The following KLHL32 variants were observed in gnomAD, a reference collection of about 807,000 sequenced individuals.
KLHL32 encodes kelch like family member 32.
Under a neutral mutation model 64.8 loss-of-function variants are expected in KLHL32, and 35 were observed. That is an observed-to-expected ratio of 0.54 (90% CI 0.41 to 0.72). KLHL32 has a LOEUF of 0.72. KLHL32 is among the 30% of genes least tolerant of loss of function. KLHL32 has a pLI of 0.00. For synonymous variants in KLHL32, 259 were observed against 281.0 expected, an observed-to-expected ratio of 0.92 and a Z score of 0.78; for missense variants, 589 against 768.5, an observed-to-expected ratio of 0.77 and a Z score of 2.76.
chr6:97,056,697 T>G (rs2128142720), intron 4 of KLHL32, among the ~76,000 whole-genome samples: 1 of 152,270 alleles, frequency 6.6e-6, no homozygotes, highest in South Asian at 2.1e-4. Flanking sequence ...AGCAAACTTT[T>G]TTTGTGAGGA....
intron 3 of KLHL32, among the ~76,000 whole-genome samples, chr6:96,981,120 C>T (rs904959768): frequency 2.6e-5 from 4 of 152,094 alleles, no homozygotes; most frequent in African/African-American, 9.7e-5. Context: ...AATTACCTCC[C>T]ACCAGGTCCC....
In KLHL32 at chr6:96,956,863, A is replaced by G. The variant is rs569197770; in HGVS notation, c.-65-10133A>G. On this transcript the variant is annotated intron_variant, in intron 1 of 10. Coordinates refer to ENST00000369261, the MANE Select transcript of KLHL32 (RefSeq NM_052904.4). The stretch of plus-strand genomic sequence containing the variant: ...AGTTCTAATGTTTCTTGCAGATGTA[A>G]GAAGCACATCAGGTTTTTCAAGGCA... Among the ~76,000 whole-genome samples the G allele has an allele frequency of 3.2e-4, 48 of 152,380 alleles. No individual in the cohort carries two copies. The South Asian group carries it at 3.9e-3, about 12-fold the overall frequency.
chr6:97,067,624 G>A (rs2128158030), intron 5 of KLHL32, among the ~76,000 whole-genome samples: 1 of 152,258 alleles, frequency 6.6e-6, no homozygotes, highest in Non-Finnish European at 1.5e-5. Context: ...GTTTTGCAGG[G>A]ACTCCCATTT....
chr6:97,045,209 T>C (rs1182284910), intron 4 of KLHL32, among the ~76,000 whole-genome samples: 3 of 152,208 alleles, frequency 2.0e-5, no homozygotes, highest in Admixed American at 1.3e-4. Flanking sequence ...AATTCAAGAT[T>C]AGCCCAGCCA....
intron 3 of KLHL32, among the ~76,000 whole-genome samples, chr6:97,034,118 CT>C (rs151235500): frequency 0.15 from 23,540 of 152,030 alleles, 2,263 homozygotes; most frequent in African/African-American, 0.28. Flanking sequence ...TGTCAAGGAG[CT>C]TTTCCCCTAC....
intron 3 of KLHL32, among the ~76,000 whole-genome samples, chr6:96,987,171 C>A (rs1473046714): frequency 1.3e-5 from 2 of 152,192 alleles, no homozygotes; most frequent in African/African-American, 4.8e-5. Flanking sequence ...CTCCTGGATT[C>A]ATTGATTTTT....
chr6:96,998,064 A>G (rs774793139), intron 3 of KLHL32, among the ~76,000 whole-genome samples: 43 of 152,212 alleles, frequency 2.8e-4, no homozygotes, highest in Admixed American at 6.5e-4. Context: ...TCCAGCCCCC[A>G]AGACTGTAGC....
At position 96,976,098 on chromosome 6, in the gene KLHL32, G is replaced by GCGACAT; in HGVS notation, c.127_132dup (p.Asp43_Ile44dup). ...CAGCAGAGGAGTGATGGCATCCTCT[G>GCGACAT]CGACATCACCCTGATTGCTGAGGAA... On this transcript the variant is annotated inframe_insertion, in exon 3 of 11. Coordinates refer to ENST00000369261, the MANE Select transcript of KLHL32 (RefSeq NM_052904.4). The GCGACAT allele has an allele frequency of 6.2e-7, 1 of 1,609,432 alleles. No homozygotes were observed. The highest frequency in any genetic ancestry group is 8.5e-7 in the Non-Finnish European group (1 of 1,176,678).
intron 6 of KLHL32, chr6:97,105,655 C>T: frequency 2.8e-6 from 1 of 355,714 alleles, no homozygotes; most frequent in Non-Finnish European, 5.6e-6. Context: ...GGCCAAGGAG[C>T]AGAATAAAGG....
At chr6:97,030,271 C>T (rs1485805705) in intron 3 of KLHL32, among the ~76,000 whole-genome samples, 2 of 152,100 alleles carry the variant, frequency 1.3e-5, no homozygotes, top group Non-Finnish European at 2.9e-5. Context: ...AGTTTTGTGT[C>T]GTAAGGTACC....
chr6:97,020,433 T>C (rs1373966742), intron 3 of KLHL32, among the ~76,000 whole-genome samples: 2 of 150,476 alleles, frequency 1.3e-5, no homozygotes, highest in African/African-American at 5.0e-5. Context: ...TATAGAAAAA[T>C]GTAATTATCA....
At chr6:97,100,674 A>G (rs984261350) in intron 6 of KLHL32, among the ~76,000 whole-genome samples, 7 of 152,010 alleles carry the variant, frequency 4.6e-5, no homozygotes, top group African/African-American at 1.7e-4. Flanking sequence ...GACTGTCCCT[A>G]TGTCAGTGAC....
chr6:97,019,946 A>ATTTTTT (rs59828741), intron 3 of KLHL32, among the ~76,000 whole-genome samples: 1 of 115,070 alleles, frequency 8.7e-6, no homozygotes, highest in Non-Finnish European at 1.8e-5. Flanking sequence ...CTCCCGGCGA[A>ATTTTTT]TTTTTTTTTT....
upstream of KLHL32, among the ~76,000 whole-genome samples, chr6:96,923,800 T>C (rs1373873200): frequency 6.6e-6 from 1 of 152,258 alleles, no homozygotes; most frequent in Non-Finnish European, 1.5e-5. Flanking sequence ...ACACTCTTCC[T>C]GCTTCTGGTG....
At chr6:97,049,437 T>G (rs910438797) in intron 4 of KLHL32, among the ~76,000 whole-genome samples, 1 of 152,188 alleles carries the variant, frequency 6.6e-6, no homozygotes, top group Non-Finnish European at 1.5e-5. Context: ...CAGAGTGGGA[T>G]GGTGGGAGAT....
At chr6:97,083,121 G>C (rs1041233044) in intron 5 of KLHL32, among the ~76,000 whole-genome samples, 1 of 152,130 alleles carries the variant, frequency 6.6e-6, no homozygotes, top group South Asian at 2.1e-4. Context: ...GCTGGGTGCC[G>C]TGGCTCATGC....
chr6:97,082,622 A>AAAT (rs1792742698), intron 5 of KLHL32, among the ~76,000 whole-genome samples: 1 of 151,640 alleles, frequency 6.6e-6, no homozygotes, highest in South Asian at 2.1e-4. Context: ...TCAAAAAAAA[A>AAAT]AAATAAATAA....
chr6:97,099,675 G>A (rs1051833533), intron 6 of KLHL32, among the ~76,000 whole-genome samples: 1 of 152,086 alleles, frequency 6.6e-6, no homozygotes, highest in African/African-American at 2.4e-5. Flanking sequence ...ACTGCTGCAC[G>A]CTGGGCTCTC....
At chr6:97,043,868 G>C (rs575992984) in intron 4 of KLHL32, among the ~76,000 whole-genome samples, 4 of 151,978 alleles carry the variant, frequency 2.6e-5, no homozygotes, top group South Asian at 2.1e-4. Flanking sequence ...GTGTCTATTA[G>C]GTCCTTTGCC....
Sources: gnomAD v4.1 joint callset for allele counts (sites outside exome capture counted in the v4.1 genomes callset) on GRCh38, gnomAD v4.1.1 for gene constraint, MANE v1.5 for transcripts, NCBI Gene and HGNC (gene_info 2026-07-23, HGNC 2026-07-21) for gene names.